The following CCDC14 variants were observed in gnomAD, a reference collection of about 807,000 sequenced individuals.
CCDC14 encodes the protein coiled-coil domain containing 14.
In CCDC14, 71 loss-of-function variants were observed where a neutral mutation model predicts 81.4. The observed-to-expected ratio is 0.87, with a 90% CI of 0.72 to 1.06. The LOEUF is 1.06. Among genes scored for constraint, CCDC14 ranks in the 50% least tolerant of loss-of-function variants. CCDC14 has a pLI of 0.00. For synonymous variants in CCDC14, 332 were observed against 364.8 expected, an observed-to-expected ratio of 0.91 and a Z score of 1.03; for missense variants, 1,046 against 1,047.3, an observed-to-expected ratio of 1.00 and a Z score of 0.02.
chr3:123,897,571 T>C (rs2034090994), exon 6 of CCDC14: 3 of 1,199,058 alleles, frequency 2.5e-6, no homozygotes, highest in Non-Finnish European at 3.2e-6. Flanking sequence ...TGGGCTTTTG[T>C]GTAAGACTTT....
intron 8 of CCDC14, among the ~76,000 whole-genome samples, chr3:123,945,199 C>A (rs1214455266): frequency 6.6e-6 from 1 of 151,616 alleles, no homozygotes; most frequent in Non-Finnish European, 1.5e-5. Context: ...AAATTAAGTT[C>A]AGTAAACTAA....
At chr3:123,933,600 C>A (rs866567841) in intron 10 of CCDC14, 73 bp downstream of exon 10, 3 of 1,060,304 alleles carry the variant, frequency 2.8e-6, no homozygotes, top group Non-Finnish European at 4.2e-6. Context: ...AAAGTAATTA[C>A]AAAAGCTCAA....
chr3:123,933,517 G>A, intron 10 of CCDC14, 156 bp downstream of exon 10: 1 of 589,450 alleles, frequency 1.7e-6, no homozygotes. Context: ...AACAAAAAAA[G>A]GTGTATATTA....
chr3:123,892,572 G>C (rs1224851753), downstream of CCDC14, among the ~76,000 whole-genome samples: 2 of 152,136 alleles, frequency 1.3e-5, no homozygotes, highest in African/African-American at 4.8e-5. Flanking sequence ...TCCAGAAAAT[G>C]GGTTTTTCTT....
chr3:123,947,922 T>C lies in CCDC14; in HGVS notation c.685-603A>G, dbSNP rs189418361. ...ATGGTATATCCAAAAAATACAGTAT[T>C]AACAAGTTATTAAAAATTCAAAGGG... On this transcript the variant is annotated intron_variant, in intron 7 of 12. Coordinates refer to ENST00000409697, the MANE Select transcript of CCDC14 (RefSeq NM_001366335.1). 4.1e-4 allele frequency among the ~76,000 whole-genome samples: 63 copies of C among 152,202 alleles called. No homozygotes were observed. The East Asian group carries it at 9.1e-3, about 22-fold the overall frequency.
Position 123,947,267 on chromosome 3 carries a change from GA to G in CCDC14, c.736del (p.Ser246LeufsTer55). On this transcript the variant is annotated frameshift_variant, in exon 8 of 13. Transcript: ENST00000409697. LOFTEE classifies it high-confidence loss of function. ...CCGTAGAACATCAGTACAGGTTGCA[GA>G]AACTGTTTTACCTTGTGATGCAAAC... ...SQFASQGKTVSATCTDVLRNS... is the reference protein window; with the variant it reads ...SQFASQGKTVXATCTDVLRNS... The G allele has an allele frequency of 6.2e-7, 1 of 1,613,726 alleles. No individual in the cohort carries two copies.
chr3:123,931,566 C>T, intron 10 of CCDC14, 40 bp from the exon 11 acceptor site: 1 of 1,090,182 alleles, frequency 9.2e-7, no homozygotes, highest in Non-Finnish European at 1.3e-6. Context: ...TTTCCCAAAC[C>T]TAAAAAGTAC....
intron 10 of CCDC14, 151 bp downstream of exon 10, chr3:123,933,522 A>G (rs2148865933): frequency 1.7e-6 from 1 of 604,874 alleles, no homozygotes; most frequent in Non-Finnish European, 2.9e-6. Context: ...AAAAAGGTGT[A>G]TATTATTGGG....
At chr3:123,910,949 C>T (rs1015019875), downstream of CCDC14, among the ~76,000 whole-genome samples, 8 of 152,218 alleles carry the variant, frequency 5.3e-5, no homozygotes, top group South Asian at 4.1e-4. Flanking sequence ...AAGACAGATA[C>T]GTAAACTGAT....
downstream of CCDC14, among the ~76,000 whole-genome samples, chr3:123,893,078 A>G (rs1285135566): frequency 6.6e-6 from 1 of 152,250 alleles, no homozygotes; most frequent in African/African-American, 2.4e-5. Flanking sequence ...ACCTGGTATT[A>G]CAGGCATGAG....
In CCDC14 at chr3:123,961,205, G is replaced by C. The variant is rs1489664022; in HGVS notation, c.-32C>G. 2 of 1,551,486 alleles carry C rather than the reference G, an allele frequency of 1.3e-6. No homozygotes were observed. The highest frequency in any genetic ancestry group is 2.7e-5 in the African/African-American group (2 of 73,036). On this transcript the variant is annotated 5_prime_UTR_variant, in exon 1 of 13. Coordinates refer to ENST00000409697, the MANE Select transcript of CCDC14 (RefSeq NM_001366335.1). ...CCGCCTCAGAGAAGCCCAGACCGAG[G>C]GAAGTGAAGCCTCACGGTAAAAAGA...
intron 12 of CCDC14, among the ~76,000 whole-genome samples, chr3:123,926,922 T>C (rs2035396184): frequency 2.0e-5 from 3 of 152,246 alleles, no homozygotes; most frequent in African/African-American, 7.2e-5. Context: ...TAGATTTATC[T>C]GTACTGTCGG....
rs909708898 is a variant in CCDC14 at position 123,914,478 on chromosome 3, C to A, written c.*301G>T. 4 of 1,020,480 alleles carry A rather than the reference C, an allele frequency of 3.9e-6. No individual in the cohort carries two copies. Among genetic ancestry groups the A allele is most frequent in the Non-Finnish European group, 4.7e-6 (4 of 853,408 alleles). The allele number at this position is 1,020,480 out of a possible 1,614,324, so 63.2% of individuals were successfully genotyped here. On this transcript the variant is annotated 3_prime_UTR_variant, in exon 13 of 13. Transcript: ENST00000409697. The stretch of plus-strand genomic sequence containing the variant: ...CCACAGAACTATTTCAACCTGTACC[C>A]TTAATCCAGCAGATACATCTTAATA...
At chr3:123,944,191 A>G (rs894588736) in intron 9 of CCDC14, among the ~76,000 whole-genome samples, 2 of 152,270 alleles carry the variant, frequency 1.3e-5, no homozygotes, top group East Asian at 1.9e-4. Flanking sequence ...AAATCCCTAC[A>G]CATTTGGTCA....
At chr3:123,924,237 A>G (rs2035229640) in intron 12 of CCDC14, among the ~76,000 whole-genome samples, 1 of 152,140 alleles carries the variant, frequency 6.6e-6, no homozygotes, top group Non-Finnish European at 1.5e-5. Flanking sequence ...AGATCCACGT[A>G]CAGAAGAATG....
chr3:123,891,455 G>C, the CCDC14 span, among the ~76,000 whole-genome samples: 1 of 152,138 alleles, frequency 6.6e-6, no homozygotes, highest in African/African-American at 2.4e-5. Flanking sequence ...TGAATGCTTT[G>C]CTGTTTAGAA....
chr3:123,917,859 T>C (rs1042403112), intron 12 of CCDC14, among the ~76,000 whole-genome samples: 1 of 151,712 alleles, frequency 6.6e-6, no homozygotes, highest in African/African-American at 2.4e-5. Context: ...AATATCCTAC[T>C]GGTCTACACA....
intron 9 of CCDC14, 92 bp from the exon 10 acceptor site, chr3:123,933,847 ACC>A: frequency 2.5e-6 from 2 of 788,506 alleles, no homozygotes; most frequent in Non-Finnish European, 4.1e-6. Flanking sequence ...TAAAACATAA[ACC>A]CACTAAGACA....
intron 9 of CCDC14, among the ~76,000 whole-genome samples, chr3:123,934,226 C>T (rs190109343): frequency 7.6e-6 from 1 of 131,398 alleles, no homozygotes; most frequent in East Asian, 2.3e-4. Context: ...TGAGTGAGAT[C>T]GCACCACTGC....
Sources: gnomAD v4.1 joint callset for allele counts (sites outside exome capture counted in the v4.1 genomes callset) on GRCh38, gnomAD v4.1.1 for gene constraint, MANE v1.5 for transcripts, NCBI Gene and HGNC (gene_info 2026-07-23, HGNC 2026-07-21) for gene names.